The following SRGAP1 variants were observed in gnomAD, a reference collection of about 807,000 sequenced individuals.
SRGAP1 encodes SLIT-ROBO Rho GTPase activating protein 1, also known as SLIT-ROBO Rho GTPase-activating protein 1.
In SRGAP1, 43 loss-of-function variants were observed where a neutral mutation model predicts 121.9. The ratio of observed to expected loss-of-function variants is 0.35; its 90% CI spans 0.28 to 0.46. SRGAP1 has a LOEUF of 0.46. SRGAP1 is among the 20% of genes least tolerant of loss of function. SRGAP1 has a pLI of 1.00. For synonymous variants in SRGAP1, 447 were observed against 485.4 expected (o/e 0.92, Z 1.04); for missense variants, 1,102 against 1,350.9 (o/e 0.82, Z 2.89).
chr12:63,983,757 G>A (rs1290518918), intron 1 of SRGAP1, 190 bp from the exon 2 acceptor site: 2 of 147,218 alleles, frequency 1.4e-5, no homozygotes, highest in African/African-American at 2.6e-5. Context: ...GCAACAGAGC[G>A]AGACCTCTAT....
At chr12:63,895,464 T>A (rs140728510) in intron 1 of SRGAP1, among the ~76,000 whole-genome samples, 1 of 152,224 alleles carries the variant, frequency 6.6e-6, no homozygotes, top group Non-Finnish European at 1.5e-5. Context: ...AATTTGGAAA[T>A]GTACTGGACA....
rs541767212 is a variant in SRGAP1 at position 63,982,210 on chromosome 12, C to CAAAACA, written c.68-1714_68-1709dup. ...TGGGAGACAGAGCAAGACTCCGTCT[C>CAAAACA]AAAACAAAAACAAAAACAAAAACAA... On this transcript the variant is annotated intron_variant, in intron 1 of 21. Transcript: ENST00000355086. Among the ~76,000 whole-genome samples the CAAAACA allele has an allele frequency of 5.5e-3, 772 of 139,702 alleles. 7 individuals carry two copies. Among genetic ancestry groups the CAAAACA allele is most frequent in the African/African-American group, 0.02 (730 of 37,254 alleles). The allele number at this position is 139,702 out of a possible 152,430, so 91.6% of individuals were successfully genotyped here.
chr12:64,021,700 A>G (rs1472202161), intron 4 of SRGAP1, among the ~76,000 whole-genome samples: 1 of 152,216 alleles, frequency 6.6e-6, no homozygotes, highest in East Asian at 1.9e-4. Context: ...AACATAAGCA[A>G]TTTATCTACA....
At chr12:64,140,532 G>C (rs922775651) in intron 21 of SRGAP1, among the ~76,000 whole-genome samples, 4 of 151,980 alleles carry the variant, frequency 2.6e-5, no homozygotes, top group Non-Finnish European at 4.4e-5. Context: ...CTCATGATTT[G>C]GCTCTCTGTT....
chr12:64,142,489 A>ACGTAGCACGAGCTCG lies in SRGAP1; in HGVS notation c.3089_3090insGCGTAGCACGAGCTC (p.Arg1026_Ser1030dup). The ACGTAGCACGAGCTCG allele has an allele frequency of 6.2e-7, 1 of 1,614,142 alleles. No homozygotes were observed. Among genetic ancestry groups the ACGTAGCACGAGCTCG allele is most frequent in the Non-Finnish European group, 8.5e-7 (1 of 1,180,020 alleles). On this transcript the variant is annotated inframe_insertion, in exon 22 of 22. Transcript: ENST00000355086. ...TCAGGAGCTCCGAGCCTCAGATTCG[A>ACGTAGCACGAGCTCG]CGTAGCACGAGCTCCTCCAGTGACA...
At position 63,928,231 on chromosome 12, in the gene SRGAP1, T is replaced by G. The variant is rs531275280; in HGVS notation, c.68-55716T>G. On this transcript the variant is annotated intron_variant, in intron 1 of 21. Transcript: ENST00000355086. Reference sequence around the variant, plus strand: ...TGGGTATGCTTTGCTGATGGGAGTATAAAATGGTACAACTATTTTGGAAAA... The same window carrying G: ...TGGGTATGCTTTGCTGATGGGAGTAGAAAATGGTACAACTATTTTGGAAAA... Among the ~76,000 whole-genome samples, 6 of 152,212 alleles carry G rather than the reference T, an allele frequency of 3.9e-5. No individual in the cohort carries two copies. In the South Asian group the frequency reaches 8.3e-4, roughly 21 times the overall value.
chr12:63,980,967 T>C (rs2033229778), intron 1 of SRGAP1, among the ~76,000 whole-genome samples: 1 of 152,172 alleles, frequency 6.6e-6, no homozygotes, highest in Non-Finnish European at 1.5e-5. Context: ...GATCCTTTCC[T>C]TATTTGTCCT....
rs1555177612 is a variant in SRGAP1 at position 64,141,287 on chromosome 12, A to AAG, written c.2881-1007_2881-1006insGA. ...TAAAGTATAATAAAAAAAAAAAAAA[A>AAG]AAAGAAAAACTTGGCCCGGCACGGT... On this transcript the variant is annotated intron_variant, in intron 21 of 21. Transcript: ENST00000355086. Among the ~76,000 whole-genome samples the AAG allele has an allele frequency of 3.6e-3, 519 of 144,648 alleles. 9 individuals carry two copies. The highest frequency in any genetic ancestry group is 9.5e-3 in the African/African-American group (370 of 38,874). The allele number at this position is 144,648 out of a possible 152,430, so 94.9% of individuals were successfully genotyped here.
chr12:64,044,365 C>G (rs2035083949), intron 6 of SRGAP1, among the ~76,000 whole-genome samples: 1 of 152,092 alleles, frequency 6.6e-6, no homozygotes, highest in Non-Finnish European at 1.5e-5. Flanking sequence ...TAAAAGATAA[C>G]AAGTGATTAA....
chr12:63,917,045 A>G (rs900342964), intron 1 of SRGAP1, among the ~76,000 whole-genome samples: 1 of 152,136 alleles, frequency 6.6e-6, no homozygotes, highest in Non-Finnish European at 1.5e-5. Context: ...TATAGATTTC[A>G]TGTGTTCACT....
In SRGAP1 at chr12:64,148,211, A is replaced by G. The variant is rs2037081844; in HGVS notation, c.*5539A>G. Reference sequence around the variant, plus strand: ...CAAGCCCATCTTTGGTTTCATTTGAATAAATTGAAAAATAATCCTTAGGTT... The same window carrying G: ...CAAGCCCATCTTTGGTTTCATTTGAGTAAATTGAAAAATAATCCTTAGGTT... On this transcript the variant is annotated 3_prime_UTR_variant, in exon 22 of 22. Transcript: ENST00000355086. 1 of 152,126 alleles carries G rather than the reference A, an allele frequency of 6.6e-6. No individual in the cohort carries two copies. The highest frequency in any genetic ancestry group is 1.5e-5 in the Non-Finnish European group (1 of 68,040). The allele number at this position is 152,126 out of a possible 1,614,324, so 9.4% of individuals were successfully genotyped here. A position where few individuals can be genotyped will look rare whatever the true frequency, so the allele number is the denominator to read the frequency against.
At position 64,154,351 on chromosome 12, in the gene SRGAP1, G is replaced by C. The variant is rs2037147514; in HGVS notation, c.*11679G>C. 1 of 152,118 alleles carries C rather than the reference G, an allele frequency of 6.6e-6. No individual in the cohort carries two copies. Among genetic ancestry groups the C allele is most frequent in the African/African-American group, 2.4e-5 (1 of 41,396 alleles). 9.4% of individuals were successfully genotyped at this position (152,118 alleles called of 1,614,324 possible). ...AGTTGTGTTTGGGGTCCACGGGTGG[G>C]GAGGAGCTTGGGAAGGAATGGCATG... On this transcript the variant is annotated 3_prime_UTR_variant, in exon 22 of 22. Transcript: ENST00000355086.
rs187211994 is a variant in SRGAP1 at position 63,867,771 on chromosome 12, A to G, written c.67+22888A>G. On this transcript the variant is annotated intron_variant, in intron 1 of 21. Coordinates refer to ENST00000355086, the MANE Select transcript of SRGAP1 (RefSeq NM_020762.4). ...CTTAATTAGTGACATTTAAAAAAAA[A>G]TAATTTAAAACTCACTCATTTCCAA... is the stretch of plus-strand genomic sequence containing the variant. Among the ~76,000 whole-genome samples the G allele has an allele frequency of 9.9e-5, 15 of 152,076 alleles. No homozygotes were observed. The East Asian group carries it at 1.5e-3, about 16-fold the overall frequency.
chr12:64,044,007 A>G (rs2035076347), intron 6 of SRGAP1, among the ~76,000 whole-genome samples: 2 of 152,206 alleles, frequency 1.3e-5, no homozygotes, highest in African/African-American at 4.8e-5. Context: ...TACTTAAGAA[A>G]TGATTAAATG....
In SRGAP1 at chr12:64,121,882, C is replaced by T. The variant is rs192292629; in HGVS notation, c.2225-4095C>T. Reference sequence around the variant, plus strand: ...CTTACAAAGGACAGATATTCTCACCCGCAGCCAACCTCCAAAATCCTATAA... The same window carrying T: ...CTTACAAAGGACAGATATTCTCACCTGCAGCCAACCTCCAAAATCCTATAA... On this transcript the variant is annotated intron_variant, in intron 18 of 21. Transcript: ENST00000355086. Among the ~76,000 whole-genome samples the T allele has an allele frequency of 2.3e-3, 351 of 152,264 alleles. 2 individuals carry two copies. The highest frequency in any genetic ancestry group is 4.1e-3 in the Admixed American group (63 of 15,304).
At chr12:63,925,015 T>G (rs2031204307) in intron 1 of SRGAP1, among the ~76,000 whole-genome samples, 1 of 152,180 alleles carries the variant, frequency 6.6e-6, no homozygotes, top group Non-Finnish European at 1.5e-5. Flanking sequence ...GTGGTGTCAT[T>G]TTGGCATGGT....
At position 64,144,750 on chromosome 12, in the gene SRGAP1, C is replaced by T. The variant is rs1305270891; in HGVS notation, c.*2078C>T. The T allele has an allele frequency of 1.3e-5, 2 of 151,460 alleles. No individual in the cohort carries two copies. Among genetic ancestry groups the T allele is most frequent in the African/African-American group, 4.9e-5 (2 of 41,128 alleles). 9.4% of individuals were successfully genotyped at this position (151,460 alleles called of 1,614,324 possible). ...CCCTTGGACACCGTGGAGATCCAGC[C>T]AAGACTGAGCTTTGAATAGCACTAG... is the stretch of plus-strand genomic sequence containing the variant. On this transcript the variant is annotated 3_prime_UTR_variant, in exon 22 of 22. Coordinates refer to ENST00000355086, the MANE Select transcript of SRGAP1 (RefSeq NM_020762.4).
intron 17 of SRGAP1, 56 bp downstream of exon 17, chr12:64,112,042 A>G (rs1433647735): frequency 7.3e-7 from 1 of 1,374,700 alleles, no homozygotes; most frequent in African/African-American, 1.4e-5. Context: ...AAATATAGCT[A>G]TCAATTTGAT....
At chr12:64,022,044 A>G (rs533063538) in intron 4 of SRGAP1, among the ~76,000 whole-genome samples, 1 of 152,340 alleles carries the variant, frequency 6.6e-6, no homozygotes, top group African/African-American at 2.4e-5. Flanking sequence ...GCAAGCTTAT[A>G]TTTGAATCCC....
Sources: gnomAD v4.1 joint callset for allele counts (sites outside exome capture counted in the v4.1 genomes callset) on GRCh38, gnomAD v4.1.1 for gene constraint, MANE v1.5 for transcripts, NCBI Gene and HGNC (gene_info 2026-07-23, HGNC 2026-07-21) for gene names.